USP34: variants seen among roughly 807,000 people sequenced by gnomAD.
USP34 encodes ubiquitin carboxyl-terminal hydrolase 34.
Under a neutral mutation model 460.3 loss-of-function variants are expected in USP34, and 70 were observed. The ratio of observed to expected loss-of-function variants is 0.15; its 90% CI spans 0.13 to 0.19. The LOEUF is 0.19. Ranked by LOEUF, USP34 falls within the 10% of genes least tolerant of loss-of-function variation. The pLI is 1.00. For synonymous variants in USP34, 1,647 were observed against 1,405.3 expected, an observed-to-expected ratio of 1.17 and a Z score of -3.85; for missense variants, 3,985 against 4,236.2, an observed-to-expected ratio of 0.94 and a Z score of 1.65.
At chr2:61,208,685 A>G in intron 70 of USP34, 1 of 308,172 alleles carries the variant, frequency 3.2e-6, no homozygotes, top group Non-Finnish European at 6.0e-6. Context: ...AAATAATGGG[A>G]AAAGTATGGA....
chr2:61,386,515 G>A (rs149083084), intron 5 of USP34, among the ~76,000 whole-genome samples: 118 of 152,240 alleles, frequency 7.8e-4, no homozygotes, highest in African/African-American at 2.7e-3. Flanking sequence ...CTTTGGCCGG[G>A]CACGGTGGCT....
intron 41 of USP34, among the ~76,000 whole-genome samples, chr2:61,274,899 T>C (rs1002628574): frequency 6.6e-6 from 1 of 152,258 alleles, no homozygotes; most frequent in Non-Finnish European, 1.5e-5. Flanking sequence ...GTTAAATGTA[T>C]AAAGATCTCT....
rs2103774224 is a variant in USP34, at chr2:61,206,002, T to C, written c.9154+15A>G. The C allele has an allele frequency of 1.3e-6, 2 of 1,593,120 alleles. No homozygotes were observed. Among genetic ancestry groups the C allele is most frequent in the East Asian group, 4.5e-5 (2 of 44,724 alleles). On this transcript the variant is annotated intron_variant, in intron 72 of 79. Transcript: ENST00000398571. ...CACTAGGTTTTTACACGGGTGAATT[T>C]TTCAAGTAACTTACCTATACAGGCA...
At chr2:61,217,261 C>T (rs780671501) in intron 67 of USP34, among the ~76,000 whole-genome samples, 1 of 152,158 alleles carries the variant, frequency 6.6e-6, no homozygotes, top group Non-Finnish European at 1.5e-5. Context: ...ACTTAAGAGT[C>T]CTGGATCTAG....
chr2:61,220,075 A>G (rs1687514922), intron 67 of USP34: 1 of 377,656 alleles, frequency 2.6e-6, no homozygotes, highest in Non-Finnish European at 4.6e-6. Context: ...ATCATGCCTT[A>G]TCACTCTTAT....
At chr2:61,255,442 T>G (rs1466754425) in intron 48 of USP34, among the ~76,000 whole-genome samples, 4 of 152,216 alleles carry the variant, frequency 2.6e-5, no homozygotes, top group Non-Finnish European at 5.9e-5. Flanking sequence ...AACTTGATTA[T>G]CTCCCTGAAA....
rs1296980411 is a variant in USP34 at position 61,405,743 on chromosome 2, T to C, written c.517A>G (p.Thr173Ala). The change falls in exon 3 of 80, where the codon ACT (threonine) becomes GCT (alanine). Residue 173 changes from threonine (T) to alanine (A), a missense_variant. Transcript: ENST00000398571. The part of the protein sequence containing the change: ...KIFQIQFPLY[T>A]AYKHNTHPTI... ...GGGTGAGTATTATGCTTGTAAGCAG[T>C]ATATAAGGGAAACTGAATTTGAAAA... The C allele has an allele frequency of 6.9e-6, 11 of 1,587,916 alleles. No individual in the cohort carries two copies. The highest frequency in any genetic ancestry group is 1.2e-5 in the South Asian group (1 of 85,340).
intron 1 of USP34, among the ~76,000 whole-genome samples, chr2:61,453,208 C>T (rs1028921083): frequency 5.3e-5 from 8 of 151,860 alleles, no homozygotes; most frequent in East Asian, 1.9e-4. Flanking sequence ...CCCATGAGTT[C>T]GAGACCAGCC....
At chr2:61,294,218 C>T (rs926525265) in intron 32 of USP34, among the ~76,000 whole-genome samples, 9 of 149,858 alleles carry the variant, frequency 6.0e-5, no homozygotes, top group Non-Finnish European at 1.2e-4. Flanking sequence ...TGGTGGCGGG[C>T]GCCTGTAGTA....
chr2:61,205,144 G>C (rs1687081239), intron 72 of USP34, among the ~76,000 whole-genome samples: 1 of 152,168 alleles, frequency 6.6e-6, no homozygotes, highest in African/African-American at 2.4e-5. Flanking sequence ...ACAGGCATGA[G>C]CCAGCCCAGA....
At chr2:61,454,637 C>A (rs948644838) in intron 1 of USP34, among the ~76,000 whole-genome samples, 1 of 152,038 alleles carries the variant, frequency 6.6e-6, no homozygotes, top group African/African-American at 2.4e-5. Context: ...TCAACCTCCG[C>A]CTCCCAAGTT....
At chr2:61,374,976 C>T (rs1274442602) in intron 8 of USP34, among the ~76,000 whole-genome samples, 1 of 152,236 alleles carries the variant, frequency 6.6e-6, no homozygotes, top group Non-Finnish European at 1.5e-5. Flanking sequence ...CTATAGAACA[C>T]CCCACAGAAT....
chr2:61,282,945 T>C (rs1689578776), intron 37 of USP34, among the ~76,000 whole-genome samples, 200 bp downstream of exon 37: 1 of 152,178 alleles, frequency 6.6e-6, no homozygotes, highest in Admixed American at 6.5e-5. Context: ...AAAATATAAA[T>C]GCTACATAAT....
chr2:61,444,321 G>T (rs1393741253), intron 1 of USP34, among the ~76,000 whole-genome samples: 3 of 152,012 alleles, frequency 2.0e-5, no homozygotes, highest in Non-Finnish European at 4.4e-5. Context: ...AATTAAAATT[G>T]ATAGATGGCT....
intron 75 of USP34, chr2:61,193,930 C>G (rs887540863): frequency 5.1e-6 from 1 of 197,018 alleles, no homozygotes; most frequent in Non-Finnish European, 9.2e-6. Context: ...ATGGGTGTGG[C>G]TGTCTTTCAG....
At chr2:61,376,259 A>G (rs1014195689) in intron 8 of USP34, among the ~76,000 whole-genome samples, 3 of 151,966 alleles carry the variant, frequency 2.0e-5, no homozygotes, top group Non-Finnish European at 4.4e-5. Context: ...GCCGCCAACA[A>G]TATTTATCAC....
intron 1 of USP34, among the ~76,000 whole-genome samples, chr2:61,439,614 C>A (rs772833905): frequency 3.9e-5 from 6 of 152,156 alleles, no homozygotes; most frequent in East Asian, 1.9e-4. Context: ...GGATATCTGA[C>A]GGGGACTCCT....
intron 2 of USP34, among the ~76,000 whole-genome samples, chr2:61,414,825 T>C (rs1694147442): frequency 6.6e-6 from 1 of 152,082 alleles, no homozygotes; most frequent in Non-Finnish European, 1.5e-5. Flanking sequence ...CTAAATGAAG[T>C]AGTGGCCCAT....
chr2:61,278,123 C>G (rs777124331), intron 41 of USP34, 42 bp downstream of exon 41: 1 of 1,601,430 alleles, frequency 6.2e-7, no homozygotes, highest in Admixed American at 1.7e-5. Context: ...CAAAAAATTT[C>G]AATCACATTT....
Sources: gnomAD v4.1 joint callset for allele counts (sites outside exome capture counted in the v4.1 genomes callset) on GRCh38, gnomAD v4.1.1 for gene constraint, MANE v1.5 for transcripts, NCBI Gene and HGNC (gene_info 2026-07-23, HGNC 2026-07-21) for gene names.